The following PHF7 variants were observed in gnomAD, a reference collection of about 807,000 sequenced individuals.
PHF7 encodes the protein PHD finger protein 7.
PHF7 carries 24 observed loss-of-function variants against 47.5 expected under a neutral mutation model. That is an observed-to-expected ratio of 0.51 (90% CI 0.37 to 0.71). PHF7 has a LOEUF of 0.71. Ranked by LOEUF, PHF7 falls within the 30% of genes least tolerant of loss-of-function variation. PHF7 has a pLI of 0.00. For missense variants in PHF7, 361 were observed against 456.8 expected (o/e 0.79, Z 1.91); for synonymous variants, 156 against 153.8 (o/e 1.01, Z -0.11).
At chr3:52,417,126 T>C (rs1236981766) in intron 4 of PHF7, among the ~76,000 whole-genome samples, 1 of 152,236 alleles carries the variant, frequency 6.6e-6, no homozygotes, top group Non-Finnish European at 1.5e-5. Context: ...TGACCATATA[T>C]CTGTGGATCT....
intron 2 of PHF7, 38 bp from the exon 3 acceptor site, chr3:52,413,958 C>T: frequency 6.9e-7 from 1 of 1,446,694 alleles, no homozygotes; most frequent in Non-Finnish European, 9.7e-7. Context: ...AACAAGATCC[C>T]CAAAGAACAC....
chr3:52,423,036 T>C, intron 10 of PHF7, 55 bp from the exon 11 acceptor site: 1 of 1,490,282 alleles, frequency 6.7e-7, no homozygotes. Flanking sequence ...CTTAAGGACC[T>C]GTGCCTGGGA....
chr3:52,422,114 A>G (rs755973538), intron 8 of PHF7, 108 bp from the exon 9 acceptor site: 88 of 793,582 alleles, frequency 1.1e-4, no homozygotes, highest in Non-Finnish European at 1.6e-4. Flanking sequence ...CAGGCAGCCT[A>G]CTGAACTCTT....
rs1705830436 is a variant in PHF7, at chr3:52,422,775, T to C, written c.813T>C (p.Ile271=). 1 of 1,614,112 alleles carries C rather than the reference T, an allele frequency of 6.2e-7. No homozygotes were observed. Among genetic ancestry groups the C allele is most frequent in the Non-Finnish European group, 8.5e-7 (1 of 1,179,986 alleles). The change falls in exon 10 of 11, where the codon ATT becomes ATC. Residue 271 remains isoleucine (I), a synonymous_variant. Coordinates refer to ENST00000327906, the MANE Select transcript of PHF7 (RefSeq NM_016483.7). ...CTTCCTCTAGGAGGTGGTGCCTCAT[T>C]CTGTGTGCTACATGCGGATCCCACG... ...SFEDEGRWCL[I]LCATCGSHGT... is the part of the protein sequence containing the mutation.
intron 4 of PHF7, among the ~76,000 whole-genome samples, chr3:52,415,751 T>C (rs1440294313): frequency 2.0e-5 from 3 of 152,242 alleles, no homozygotes; most frequent in Non-Finnish European, 4.4e-5. Flanking sequence ...TTCGGTTGCA[T>C]GAATAAGTTA....
chr3:52,412,832 T>G lies in PHF7; in HGVS notation c.-48T>G. The G allele has an allele frequency of 6.9e-7, 1 of 1,445,316 alleles. No homozygotes were observed. Among genetic ancestry groups the G allele is most frequent in the Non-Finnish European group, 9.7e-7 (1 of 1,029,642 alleles). The allele number at this position is 1,445,316 out of a possible 1,614,324, so 89.5% of individuals were successfully genotyped here. On this transcript the variant is annotated 5_prime_UTR_variant, in exon 2 of 11. Coordinates refer to ENST00000327906, the MANE Select transcript of PHF7 (RefSeq NM_016483.7). ...ATAGCTGGAAGAGCCTGTATTGTCC[T>G]CACAATAGTATAGAAGAATTCAAGA...
intron 5 of PHF7, 74 bp from the exon 6 acceptor site, chr3:52,420,237 A>G: frequency 6.6e-7 from 1 of 1,522,082 alleles, no homozygotes; most frequent in Non-Finnish European, 9.1e-7. Context: ...CTTCCATTTA[A>G]TAGAAAGATG....
Position 52,422,240 on chromosome 3 carries a change from C to T in PHF7, c.699C>T (p.Leu233=), listed in dbSNP as rs774832111. The T allele has an allele frequency of 5.6e-6, 9 of 1,612,730 alleles. No individual in the cohort carries two copies. Among genetic ancestry groups the T allele is most frequent in the Non-Finnish European group, 7.6e-6 (9 of 1,178,892 alleles). The change falls in exon 9 of 11, where the codon CTC becomes CTT. Residue 233 remains leucine (L), a synonymous_variant. Transcript: ENST00000327906. ...ACTGCAGAGATGCTGCCTGGGAACT[C>T]GAGCCAGGGGCTTTCTCAGACTTAT... is the stretch of plus-strand genomic sequence containing the variant. ...HIPDRDAAWE[L]EPGAFSDLYQ...
At chr3:52,415,035 C>G (rs1339415833) in intron 4 of PHF7, among the ~76,000 whole-genome samples, 1 of 152,012 alleles carries the variant, frequency 6.6e-6, no homozygotes, top group African/African-American at 2.4e-5. Flanking sequence ...AAAATCTTGA[C>G]AGTATAAAGT....
chr3:52,413,203 G>T (rs1705512916), intron 2 of PHF7, among the ~76,000 whole-genome samples: 1 of 152,182 alleles, frequency 6.6e-6, no homozygotes. Flanking sequence ...TCCTCATCTG[G>T]AAAATGTACA....
Position 52,422,794 on chromosome 3 carries a change from T to TCCCACGGAA in PHF7, c.838_846dup (p.Gly280_His282dup). 6.2e-7 allele frequency: 1 copy of TCCCACGGAA among 1,614,014 alleles called. No individual in the cohort carries two copies. The highest frequency in any genetic ancestry group is 8.5e-7 in the Non-Finnish European group (1 of 1,179,922). ...CCTCATTCTGTGTGCTACATGCGGA[T>TCCCACGGAA]CCCACGGAACCCACAGGGACTGCTC... is the stretch of plus-strand genomic sequence containing the variant. On this transcript the variant is annotated inframe_insertion, in exon 10 of 11. Transcript: ENST00000327906.
In PHF7 at chr3:52,422,769, C is replaced by T. The variant is rs1705830349; in HGVS notation, c.807C>T (p.Cys269=). The T allele has an allele frequency of 6.2e-7, 1 of 1,614,090 alleles. No individual in the cohort carries two copies. ...TGGGCTCTTCCTCTAGGAGGTGGTG[C>T]CTCATTCTGTGTGCTACATGCGGAT... The part of the protein sequence containing the change: ...RDSFEDEGRW[C]LILCATCGSH... The change falls in exon 10 of 11, where the codon TGC becomes TGT. Residue 269 remains cysteine, a synonymous_variant. Transcript: ENST00000327906.
Position 52,420,992 on chromosome 3 carries a change from C to A in PHF7, c.503C>A (p.Ser168Tyr), listed in dbSNP as rs774262682. The change falls in exon 7 of 11, where the codon TCC (serine) becomes TAC (tyrosine). Residue 168 changes from serine (S) to tyrosine (Y), a missense_variant. Physicochemically the swap from Ser to Tyr is moderately radical, Grantham distance 144. Coordinates refer to ENST00000327906, the MANE Select transcript of PHF7 (RefSeq NM_016483.7). ...TGCATCTTATGTTGTGAAGACTTAT[C>A]CCAACAGAGTGTTGAGAACATCCAG... ...ESCILCCEDL[S>Y]QQSVENIQSP... 10 of 1,613,568 alleles carry A rather than the reference C, an allele frequency of 6.2e-6. No homozygotes were observed. Among genetic ancestry groups the A allele is most frequent in the Non-Finnish European group, 8.5e-7 (1 of 1,179,710 alleles).
rs1400389700 is a variant in PHF7 at position 52,411,169 on chromosome 3, C to T, written c.-148C>T. 1 of 152,216 alleles carries T rather than the reference C, an allele frequency of 6.6e-6. No individual in the cohort carries two copies. The highest frequency in any genetic ancestry group is 1.9e-4 in the East Asian group (1 of 5,196). The allele number at this position is 152,216 out of a possible 1,614,324, so 9.4% of individuals were successfully genotyped here. A position where few individuals can be genotyped will look rare whatever the true frequency, so the allele number is the denominator to read the frequency against. On this transcript the variant is annotated 5_prime_UTR_variant, in exon 1 of 11. Coordinates refer to ENST00000327906, the MANE Select transcript of PHF7 (RefSeq NM_016483.7). ...TCAGATGTTTTGAAGATCGTGACGT[C>T]TTGTAACTAGCAGTGTGTGCACAGA...
intron 2 of PHF7, among the ~76,000 whole-genome samples, chr3:52,413,632 C>G (rs2153228910): frequency 6.6e-6 from 1 of 152,252 alleles, no homozygotes; most frequent in African/African-American, 2.4e-5. Flanking sequence ...GTCAGGAGTT[C>G]AAGACCAGCC....
At chr3:52,414,416 G>A in intron 3 of PHF7, 80 bp from the exon 4 acceptor site, 1 of 832,894 alleles carries the variant, frequency 1.2e-6, no homozygotes, top group Non-Finnish European at 2.0e-6. Context: ...TCCTGACTTA[G>A]AGGAATGGTT....
intron 4 of PHF7, among the ~76,000 whole-genome samples, chr3:52,416,452 G>A (rs1705628257): frequency 6.6e-6 from 1 of 151,176 alleles, no homozygotes; most frequent in Admixed American, 6.6e-5. Flanking sequence ...CCAAAGTGCT[G>A]GGATTACAGG....
chr3:52,411,770 C>T (rs1053105989), intron 1 of PHF7, among the ~76,000 whole-genome samples: 1 of 152,224 alleles, frequency 6.6e-6, no homozygotes, highest in Non-Finnish European at 1.5e-5. Flanking sequence ...AGTTTGTTTA[C>T]TAATGAAAAC....
At chr3:52,416,192 T>G (rs558277194) in intron 4 of PHF7, among the ~76,000 whole-genome samples, 26 of 151,374 alleles carry the variant, frequency 1.7e-4, no homozygotes, top group Middle Eastern at 3.4e-3. Context: ...TTTTTGGTTT[T>G]TTTTTTTTTT....
Sources: gnomAD v4.1 joint callset for allele counts (sites outside exome capture counted in the v4.1 genomes callset) on GRCh38, gnomAD v4.1.1 for gene constraint, MANE v1.5 for transcripts, NCBI Gene and HGNC (gene_info 2026-07-23, HGNC 2026-07-21) for gene names.